Variants in ARSK observed in about 807,000 individuals in gnomAD.
The protein encoded by ARSK is arylsulfatase K.
A neutral mutation model predicts 53.2 loss-of-function variants in ARSK; 37 were observed. The ratio of observed to expected loss-of-function variants is 0.70; its 90% CI spans 0.54 to 0.92. The LOEUF is 0.92. Among genes scored for constraint, ARSK ranks in the 40% least tolerant of loss-of-function variants. The pLI, the probability that ARSK is intolerant of heterozygous loss-of-function variation, is 0.00. For missense variants in ARSK, 613 were observed against 643.0 expected, an observed-to-expected ratio of 0.95 and a Z score of 0.51; for synonymous variants, 208 against 223.2, an observed-to-expected ratio of 0.93 and a Z score of 0.61.
intron 1 of ARSK, among the ~76,000 whole-genome samples, chr5:95,561,486 T>C (rs1055007191): frequency 6.6e-6 from 1 of 152,266 alleles, no homozygotes; most frequent in Non-Finnish European, 1.5e-5. Flanking sequence ...ATGTTCATTA[T>C]ACATAATGGC....
At chr5:95,592,136 T>C (rs999542231) in intron 6 of ARSK, among the ~76,000 whole-genome samples, 1 of 152,226 alleles carries the variant, frequency 6.6e-6, no homozygotes, top group African/African-American at 2.4e-5. Flanking sequence ...GCAGTTTTTG[T>C]TGAAGATACT....
rs371671370 is a variant in ARSK at position 95,555,342 on chromosome 5, G to A, written c.64G>A (p.Gly22Arg). 29 of 1,609,856 alleles carry A rather than the reference G, an allele frequency of 1.8e-5. No individual in the cohort carries two copies. The African/African-American group carries it at 3.6e-4, about 20-fold the overall frequency. The stretch of plus-strand genomic sequence containing the variant: ...GCTGGCGGTACTGGCCCCCGGAGCA[G>A]GGGAGCAGAGGCGGAGAGCAGCCAA... ...LALAVLAPGA[G>R]EQRRRAAKAP... Residue 22 changes from glycine (G) to arginine (R), a missense_variant, in exon 1 of 8, where the codon GGG becomes AGG. Physicochemically the swap from Gly to Arg is moderately radical, Grantham distance 125 (BLOSUM62 -2). Transcript: ENST00000380009. The surrounding 1 kb of genome is among the most constrained non-coding windows in gnomAD (Gnocchi z 4.0).
chr5:95,595,259 G>A (rs1340301761), intron 6 of ARSK, among the ~76,000 whole-genome samples: 1 of 152,222 alleles, frequency 6.6e-6, no homozygotes, highest in Non-Finnish European at 1.5e-5. Flanking sequence ...TTCAGCCACT[G>A]TGGGAAGCAG....
intron 3 of ARSK, among the ~76,000 whole-genome samples, chr5:95,574,324 C>A (rs1278952470): frequency 1.3e-5 from 2 of 152,180 alleles, no homozygotes; most frequent in African/African-American, 4.8e-5. Flanking sequence ...GTGCAGATAT[C>A]TCTTTGATAT....
rs1166449377 is a variant in ARSK at position 95,600,975 on chromosome 5, G to A, written c.1225G>A (p.Gly409Arg). Residue 409 changes from glycine to arginine, a missense_variant, in exon 7 of 8, where the codon GGA becomes AGA. By Grantham distance (125) the Gly-to-Arg change is moderately radical. Transcript: ENST00000380009. ...HPPWILSEFHGCNVNASTYML... is the reference protein window; with the variant it reads ...HPPWILSEFHRCNVNASTYML... Reference sequence around the variant, plus strand: ...ACCCTGGATTCTGAGTGAATTCCATGGATGTAATGTGAATGCCTCCACCTA... The same window carrying A: ...ACCCTGGATTCTGAGTGAATTCCATAGATGTAATGTGAATGCCTCCACCTA... The A allele has an allele frequency of 6.2e-7, 1 of 1,614,064 alleles. No individual in the cohort carries two copies. The highest frequency in any genetic ancestry group is 1.1e-5 in the South Asian group (1 of 91,084).
chr5:95,566,484 G>T (rs1238671778), intron 2 of ARSK, among the ~76,000 whole-genome samples: 2 of 152,042 alleles, frequency 1.3e-5, no homozygotes, highest in Non-Finnish European at 2.9e-5. Flanking sequence ...TAGGTAATTG[G>T]GAGGACTTCT....
intron 1 of ARSK, chr5:95,556,145 G>A: frequency 1.4e-6 from 1 of 699,642 alleles, no homozygotes; most frequent in Non-Finnish European, 2.6e-6. Context: ...ACAGATGTTG[G>A]TGTTAAGCAT....
intron 2 of ARSK, among the ~76,000 whole-genome samples, chr5:95,566,707 A>T (rs1253191101): frequency 2.6e-5 from 4 of 152,228 alleles, no homozygotes; most frequent in African/African-American, 4.8e-5. Flanking sequence ...ATGAATAATT[A>T]ACAAATAGGA....
intron 5 of ARSK, among the ~76,000 whole-genome samples, chr5:95,587,656 C>CA (rs1749143599): frequency 6.6e-6 from 1 of 152,136 alleles, no homozygotes; most frequent in Non-Finnish European, 1.5e-5. Flanking sequence ...CCTATAATCC[C>CA]AGCACTTTGG....
At chr5:95,570,449 C>CCATCAGAG (rs967121345) in intron 3 of ARSK, among the ~76,000 whole-genome samples, 4 of 152,186 alleles carry the variant, frequency 2.6e-5, no homozygotes, top group Non-Finnish European at 5.9e-5. Flanking sequence ...GGCTTTGTGT[C>CCATCAGAG]CATCAGAGCA....
At chr5:95,593,215 CCT>C (rs949468834) in intron 6 of ARSK, among the ~76,000 whole-genome samples, 1 of 152,054 alleles carries the variant, frequency 6.6e-6, no homozygotes, top group African/African-American at 2.4e-5. Context: ...GACTTTTTAG[CCT>C]CATTCTGTTT....
Position 95,555,114 on chromosome 5 carries a change from G to A in ARSK, c.-165G>A, listed in dbSNP as rs113539792. ...TCTGTTGCGCATGTGCGCGCTCTCC[G>A]CCTGATAGGAGTTGTAGTTCTGCGG... is the stretch of plus-strand genomic sequence containing the variant. On this transcript the variant is annotated 5_prime_UTR_variant, in exon 1 of 8. Transcript: ENST00000380009. The surrounding 1 kb of genome is among the most constrained non-coding windows in gnomAD (Gnocchi z 4.0). 325 of 536,354 alleles carry A rather than the reference G, an allele frequency of 6.1e-4. 3 individuals carry two copies. Among genetic ancestry groups the A allele is most frequent in the African/African-American group, 5.6e-3 (286 of 50,642 alleles). The allele number at this position is 536,354 out of a possible 1,614,324, so 33.2% of individuals were successfully genotyped here.
intron 3 of ARSK, 68 bp downstream of exon 3, chr5:95,568,117 G>A: frequency 6.9e-7 from 1 of 1,440,670 alleles, no homozygotes; most frequent in Non-Finnish European, 9.3e-7. Context: ...TACTCTTTTT[G>A]ACTTTAATTT....
Position 95,562,012 on chromosome 5 carries a change from C to T in ARSK, c.127-3986C>T, listed in dbSNP as rs1273352427. Among the ~76,000 whole-genome samples the T allele has an allele frequency of 3.3e-5, 5 of 152,086 alleles. No homozygotes were observed. The East Asian group carries it at 5.8e-4, about 18-fold the overall frequency. On this transcript the variant is annotated intron_variant, in intron 1 of 7. Coordinates refer to ENST00000380009, the MANE Select transcript of ARSK (RefSeq NM_198150.3). ...AGCAGATCACCTGAGGTCAGAAGTT[C>T]GAGACCAGCCTGGCCAACATGGTGA...
At chr5:95,601,410 T>C (rs1283555265) in intron 7 of ARSK, among the ~76,000 whole-genome samples, 2 of 152,226 alleles carry the variant, frequency 1.3e-5, no homozygotes, top group Non-Finnish European at 2.9e-5. Context: ...ACCTATCTTA[T>C]GAAGCCTGAC....
At chr5:95,585,520 G>C (rs1186286765) in intron 4 of ARSK, among the ~76,000 whole-genome samples, 1 of 152,120 alleles carries the variant, frequency 6.6e-6, no homozygotes, top group African/African-American at 2.4e-5. Context: ...CAGCAACCCG[G>C]ATGAAATTGG....
chr5:95,592,409 AT>A (rs1418051868), intron 6 of ARSK, among the ~76,000 whole-genome samples: 1 of 152,198 alleles, frequency 6.6e-6, no homozygotes, highest in African/African-American at 2.4e-5. Flanking sequence ...AGTTCTTTTT[AT>A]CTGCTTCCTT....
intron 3 of ARSK, chr5:95,580,922 A>T: frequency 7.8e-7 from 1 of 1,288,170 alleles, no homozygotes; most frequent in Admixed American, 2.3e-5. Context: ...CTAATCAAAG[A>T]AGTGAAAAAG....
Position 95,597,910 on chromosome 5 carries a change from G to C in ARSK, c.1097-2937G>C, listed in dbSNP as rs573532883. On this transcript the variant is annotated intron_variant, in intron 6 of 7. Transcript: ENST00000380009. ...CTCTGCCTCAAAAAAAAAAAGTGGG[G>C]GGCGGGTAATAGTGGCTATTTCATA... 5.3e-4 allele frequency among the ~76,000 whole-genome samples: 79 copies of C among 149,866 alleles called. 1 individual carries two copies. The highest frequency in any genetic ancestry group is 8.8e-4 in the Non-Finnish European group (59 of 67,418).
Sources: gnomAD v4.1 joint callset for allele counts (sites outside exome capture counted in the v4.1 genomes callset) on GRCh38, gnomAD v4.1.1 for gene constraint, Gnocchi (gnomAD v3.1) non-coding constraint, MANE v1.5 for transcripts, NCBI Gene and HGNC (gene_info 2026-07-23, HGNC 2026-07-21) for gene names.